Variants in SYT7 observed in about 807,000 individuals in gnomAD.
SYT7 encodes synaptotagmin 7.
In SYT7, 29 loss-of-function variants were observed where a neutral mutation model predicts 75.1. That is an observed-to-expected ratio of 0.39 (90% confidence interval 0.29 to 0.53). The LOEUF is 0.53. SYT7 is among the 20% of genes least tolerant of loss of function. The probability of loss-of-function intolerance (pLI) is 0.77; values close to 1 mark genes in which losing one functional copy is unlikely to be tolerated. For missense variants in SYT7, 693 were observed against 953.2 expected, an observed-to-expected ratio of 0.73 and a Z score of 3.59; for synonymous variants, 376 against 401.7, an observed-to-expected ratio of 0.94 and a Z score of 0.76.
At chr11:61,569,915 G>A (rs887835130) in intron 1 of SYT7, among the ~76,000 whole-genome samples, 4 of 152,202 alleles carry the variant, frequency 2.6e-5, no homozygotes, top group Admixed American at 6.5e-5. Flanking sequence ...CCACAGGTGC[G>A]GGCGGGCATG....
Position 61,542,653 on chromosome 11 carries a change from G to A in SYT7, c.573-74C>T. ...TCACAGTGGAAGAGAAAGAAGCCGA[G>A]GGCCAGGACTAGGAGGCCCCAGTGC... On this transcript the variant is annotated intron_variant, in intron 5 of 12. Transcript: ENST00000539008. The surrounding 1 kb of genome is among the most constrained non-coding windows in gnomAD (Gnocchi z 7.8). The A allele has an allele frequency of 4.2e-6, 6 of 1,425,142 alleles. No individual in the cohort carries two copies. Among genetic ancestry groups the A allele is most frequent in the Admixed American group, 2.8e-5 (1 of 36,180 alleles). 88.3% of individuals were successfully genotyped at this position (1,425,142 alleles called of 1,614,324 possible). A position where few individuals can be genotyped will look rare whatever the true frequency, so the allele number is the denominator to read the frequency against.
At position 61,513,819 on chromosome 11, in the gene SYT7, C is replaced by T. The variant is rs961129662; in HGVS notation, c.*4808G>A. Among the ~76,000 whole-genome samples, 7 of 152,182 alleles carry T rather than the reference C, an allele frequency of 4.6e-5. No individual in the cohort carries two copies. Among genetic ancestry groups the T allele is most frequent in the East Asian group, 1.9e-4 (1 of 5,188 alleles). ...GGGGGCTCACAATCTACACAAGACA[C>T]GACACATACACGCAGGACACAGACA... On this transcript the variant is annotated 3_prime_UTR_variant, in exon 13 of 13. Coordinates refer to ENST00000539008, the MANE Select transcript of SYT7 (RefSeq NM_001365809.2).
intron 6 of SYT7, chr11:61,540,835 G>T: frequency 2.0e-6 from 2 of 985,462 alleles, no homozygotes; most frequent in Non-Finnish European, 2.4e-6. Context: ...CAAGATCCAC[G>T]CCTGGATCAC....
chr11:61,535,426 T>C (rs1221375628), intron 7 of SYT7, among the ~76,000 whole-genome samples: 1 of 152,008 alleles, frequency 6.6e-6, no homozygotes, highest in East Asian at 1.9e-4. Flanking sequence ...TGGAAACCAT[T>C]TGGATCCCAA....
At chr11:61,555,772 C>CGTGT (rs111623304) in intron 2 of SYT7, among the ~76,000 whole-genome samples, 4,746 of 151,094 alleles carry the variant, frequency 0.031, 253 homozygotes, top group African/African-American at 0.11. Flanking sequence ...GGAGGCAGGG[C>CGTGT]GTGTGTGTGT....
At chr11:61,527,425 C>T (rs571545344) in intron 9 of SYT7, among the ~76,000 whole-genome samples, 9 of 152,348 alleles carry the variant, frequency 5.9e-5, no homozygotes, top group Admixed American at 6.5e-5. Context: ...GTGGCAAGAG[C>T]TGGGATTCAA....
chr11:61,522,169 C>T (rs1026448703), intron 12 of SYT7, among the ~76,000 whole-genome samples: 16 of 147,034 alleles, frequency 1.1e-4, no homozygotes, highest in East Asian at 4.0e-4. Context: ...TTTTTGGTTA[C>T]GTGATATGAA....
Position 61,514,217 on chromosome 11 carries a change from C to T in SYT7, c.*4410G>A, listed in dbSNP as rs1266101101. Among the ~76,000 whole-genome samples, 1 of 152,226 alleles carries T rather than the reference C, an allele frequency of 6.6e-6. No homozygotes were observed. The highest frequency in any genetic ancestry group is 1.5e-5 in the Non-Finnish European group (1 of 68,040). ...GTCTCTGACTTCAGGCTCAGTTTTC[C>T]AGGGCTGCTTTCATGGAGAGCGCCT... On this transcript the variant is annotated 3_prime_UTR_variant, in exon 13 of 13. Coordinates refer to ENST00000539008, the MANE Select transcript of SYT7 (RefSeq NM_001365809.2).
the SYT7 span, among the ~76,000 whole-genome samples, chr11:61,587,186 G>T: frequency 6.6e-6 from 1 of 152,192 alleles, no homozygotes; most frequent in Non-Finnish European, 1.5e-5. Flanking sequence ...ACCCAGGGGT[G>T]GCCTAGTTAA....
In SYT7 at chr11:61,517,314, G is replaced by A; in HGVS notation, c.*1313C>T. 1 of 398,678 alleles carries A rather than the reference G, an allele frequency of 2.5e-6. No individual in the cohort carries two copies. The highest frequency in any genetic ancestry group is 4.4e-6 in the Non-Finnish European group (1 of 226,096). 24.7% of individuals were successfully genotyped at this position (398,678 alleles called of 1,614,324 possible). A position where few individuals can be genotyped will look rare whatever the true frequency, so the allele number is the denominator to read the frequency against. On this transcript the variant is annotated 3_prime_UTR_variant, in exon 13 of 13. Transcript: ENST00000539008. The stretch of plus-strand genomic sequence containing the variant: ...GGCAGAGAAACCACAGCTTCTTTGT[G>A]TGTGGCAACCTCAGAACTCACAGAA...
In SYT7 at chr11:61,546,314, A is replaced by G. The variant is rs1330740176; in HGVS notation, c.348-59T>C. The stretch of plus-strand genomic sequence containing the variant: ...GGCACCGGGGGTGGCGGTGGGGGAG[A>G]GAGGGCAGGCCATACGTGGGGGTCG... On this transcript the variant is annotated intron_variant, in intron 4 of 12. Transcript: ENST00000539008. The surrounding 1 kb of genome is among the most constrained non-coding windows in gnomAD (Gnocchi z 7.6). The G allele has an allele frequency of 8.1e-7, 1 of 1,237,552 alleles. No individual in the cohort carries two copies. Among genetic ancestry groups the G allele is most frequent in the African/African-American group, 1.6e-5 (1 of 62,706 alleles). 76.7% of individuals were successfully genotyped at this position (1,237,552 alleles called of 1,614,324 possible). A position where few individuals can be genotyped will look rare whatever the true frequency, so the allele number is the denominator to read the frequency against.
At chr11:61,570,979 C>G (rs1462490872) in intron 1 of SYT7, among the ~76,000 whole-genome samples, 2 of 152,210 alleles carry the variant, frequency 1.3e-5, no homozygotes, top group Non-Finnish European at 2.9e-5. Context: ...ATTTTCCCAA[C>G]AGCCCCATGA....
At chr11:61,568,434 T>C (rs1327931286) in intron 1 of SYT7, among the ~76,000 whole-genome samples, 6 of 152,220 alleles carry the variant, frequency 3.9e-5, no homozygotes, top group Non-Finnish European at 8.8e-5. Context: ...ACTTACTGTA[T>C]GCCAAGCACT....
chr11:61,563,128 T>A (rs1027731465), intron 1 of SYT7, among the ~76,000 whole-genome samples: 3 of 152,196 alleles, frequency 2.0e-5, no homozygotes, highest in Non-Finnish European at 2.9e-5. Context: ...CCGCCATTCA[T>A]GAGTTCTAGG....
intron 3 of SYT7, among the ~76,000 whole-genome samples, chr11:61,547,708 G>A (rs1480932473): frequency 6.6e-6 from 1 of 152,084 alleles, no homozygotes. Context: ...GGGAGTGGGA[G>A]AAGGAGAGTG....
the SYT7 span, among the ~76,000 whole-genome samples, chr11:61,586,261 T>G: frequency 6.6e-6 from 1 of 152,210 alleles, no homozygotes; most frequent in African/African-American, 2.4e-5. Context: ...CTTAAAAGAT[T>G]GAAGTTGGTA....
Position 61,523,715 on chromosome 11 carries a change from G to T in SYT7, c.1756+112C>A. 9.1e-7 allele frequency: 1 copy of T among 1,099,184 alleles called. No homozygotes were observed. The highest frequency in any genetic ancestry group is 1.3e-6 in the Non-Finnish European group (1 of 750,516). The allele number at this position is 1,099,184 out of a possible 1,614,324, so 68.1% of individuals were successfully genotyped here. On this transcript the variant is annotated intron_variant, in intron 11 of 12. Coordinates refer to ENST00000539008, the MANE Select transcript of SYT7 (RefSeq NM_001365809.2). The surrounding 1 kb of genome is among the most constrained non-coding windows in gnomAD (Gnocchi z 5.0). ...AGGAGTGAGGACTGGAGGTCGGGGT[G>T]TGGCGGGTTGGGGTGAGGACCACTG...
At chr11:61,560,630 G>T (rs77954219) in intron 1 of SYT7, among the ~76,000 whole-genome samples, 1 of 152,176 alleles carries the variant, frequency 6.6e-6, no homozygotes, top group Non-Finnish European at 1.5e-5. Flanking sequence ...TGATGTCCTC[G>T]GCCAGCATGC....
At chr11:61,519,206 G>T (rs2062233086) in intron 12 of SYT7, among the ~76,000 whole-genome samples, 1 of 152,202 alleles carries the variant, frequency 6.6e-6, no homozygotes, top group African/African-American at 2.4e-5. Context: ...TTTCAGATGG[G>T]GAAACTAAGG....
Sources: gnomAD v4.1 joint callset for allele counts (sites outside exome capture counted in the v4.1 genomes callset) on GRCh38, gnomAD v4.1.1 for gene constraint, Gnocchi (gnomAD v3.1) non-coding constraint, MANE v1.5 for transcripts, NCBI Gene and HGNC (gene_info 2026-07-23, HGNC 2026-07-21) for gene names.